The following ADRM1 variants were observed in gnomAD, a reference collection of about 807,000 sequenced individuals.
ADRM1 encodes ADRM1 26S proteasome ubiquitin receptor, also known as proteasomal ubiquitin receptor ADRM1.
Under a neutral mutation model 40.1 loss-of-function variants are expected in ADRM1, and 2 were observed. The ratio of observed to expected loss-of-function variants is 0.05; its 90% CI spans 0.02 to 0.16. The LOEUF is 0.16. ADRM1 is among the 10% of genes least tolerant of loss of function. The pLI, the probability that ADRM1 is intolerant of heterozygous loss-of-function variation, is 1.00. For missense variants in ADRM1, 467 were observed against 552.5 expected, an observed-to-expected ratio of 0.85 and a Z score of 1.55; for synonymous variants, 287 against 240.4, an observed-to-expected ratio of 1.19 and a Z score of -1.79.
chr20:62,307,856 G>C (rs951307665), intron 7 of ADRM1, 28 bp downstream of exon 7: 3 of 1,580,074 alleles, frequency 1.9e-6, no homozygotes, highest in Non-Finnish European at 2.6e-6. Flanking sequence ...CTGGAGCTGG[G>C]TGGGGGGCAT....
At chr20:62,304,638 C>T (rs201138749) in intron 3 of ADRM1, 61 bp downstream of exon 3, 19 of 1,528,894 alleles carry the variant, frequency 1.2e-5, no homozygotes, top group Non-Finnish European at 1.6e-5. Flanking sequence ...TAGGAACTTG[C>T]TTACAGTGTG....
chr20:62,304,132 C>A (rs1485945786), intron 2 of ADRM1: 1 of 477,624 alleles, frequency 2.1e-6, no homozygotes, highest in African/African-American at 1.9e-5. Flanking sequence ...CTTTGTTTTT[C>A]AAACTCTTAG....
intron 9 of ADRM1, 80 bp downstream of exon 9, chr20:62,308,550 GC>G: frequency 6.4e-7 from 1 of 1,560,500 alleles, no homozygotes. Flanking sequence ...CAGAAGTGGG[GC>G]TGAGGGGGTA....
chr20:62,304,463 C>T lies in ADRM1; in HGVS notation c.216C>T (p.Asp72=), dbSNP rs760438229. 50 of 1,613,320 alleles carry T rather than the reference C, an allele frequency of 3.1e-5. No homozygotes were observed. In the Admixed American group the frequency reaches 8.2e-4, roughly 26 times the overall value. Residue 72 remains aspartate (D), a splice_region_variant and synonymous_variant, in exon 3 of 10, where the codon GAC becomes GAT. Transcript: ENST00000253003. ...KDRTSGNVED[D]LIIFPDDCEF... ...TCTCTCTTCCCCTGGCTTGCCAGGA[C>T]TTGATCATCTTCCCTGACGACTGTG...
At chr20:62,305,928 G>A (rs906701464) in intron 3 of ADRM1, 14 of 443,522 alleles carry the variant, frequency 3.2e-5, no homozygotes, top group Non-Finnish European at 5.0e-5. Flanking sequence ...CGGAGCTCTA[G>A]GCTCCCCATT....
rs1984462781 is a variant in ADRM1 at position 62,303,745 on chromosome 20, C to G, written c.177C>G (p.Phe59Leu). The G allele has an allele frequency of 6.2e-7, 1 of 1,612,008 alleles. No homozygotes were observed. The highest frequency in any genetic ancestry group is 8.5e-7 in the Non-Finnish European group (1 of 1,179,972). The change falls in exon 2 of 10, where the codon TTC (phenylalanine) becomes TTG (leucine). Residue 59 changes from phenylalanine to leucine, a missense_variant. Around this residue, in one of 3 missense-constraint regions of ADRM1, gnomAD observed 16 missense variants for 49.1 expected, o/e 0.33. Coordinates refer to ENST00000253003, the MANE Select transcript of ADRM1 (RefSeq NM_007002.4). ...IQQTDDSLIH[F>L]CWKDRTSGNV... ...AGACGGACGACTCGCTTATTCACTT[C>G]TGCTGGAAGGACAGGACGTCCGGGA...
intron 3 of ADRM1, 151 bp downstream of exon 3, chr20:62,304,728 G>C (rs943106082): frequency 1.3e-6 from 1 of 752,584 alleles, no homozygotes; most frequent in East Asian, 2.6e-5. Flanking sequence ...GGGCTGCGGT[G>C]CATGCTACCT....
intron 3 of ADRM1, 159 bp from the exon 4 acceptor site, chr20:62,306,038 A>C (rs896847395): frequency 2.1e-6 from 2 of 952,298 alleles, no homozygotes; most frequent in African/African-American, 1.7e-5. Flanking sequence ...CCGTCCCCTC[A>C]CCTGCTGGGC....
chr20:62,304,205 T>C, intron 2 of ADRM1: 1 of 527,548 alleles, frequency 1.9e-6, no homozygotes, highest in Middle Eastern at 5.2e-4. Flanking sequence ...GGGAATGTTG[T>C]TTCCAGCACG....
intron 3 of ADRM1, among the ~76,000 whole-genome samples, chr20:62,305,178 C>T (rs938006733): frequency 2.0e-5 from 3 of 152,222 alleles, no homozygotes; most frequent in Non-Finnish European, 4.4e-5. Flanking sequence ...GATCATTTTC[C>T]ATAAGCCAGT....
At chr20:62,307,501 G>A in intron 6 of ADRM1, 49 bp downstream of exon 6, 1 of 1,601,494 alleles carries the variant, frequency 6.2e-7, no homozygotes, top group Non-Finnish European at 8.5e-7. Context: ...TTAAGGGAGG[G>A]GCAGTGGGGA....
At position 62,308,772 on chromosome 20, in the gene ADRM1, G is replaced by A. The variant is rs751175375; in HGVS notation, c.*11G>A. ...ATGAGCCTGGACTGAGCCACGCGCC[G>A]TCCTCCGAGGAACTGGGCGCTTGCA... On this transcript the variant is annotated 3_prime_UTR_variant, in exon 10 of 10. Coordinates refer to ENST00000253003, the MANE Select transcript of ADRM1 (RefSeq NM_007002.4). 27 of 1,612,194 alleles carry A rather than the reference G, an allele frequency of 1.7e-5. No individual in the cohort carries two copies. Among genetic ancestry groups the A allele is most frequent in the East Asian group, 1.3e-4 (6 of 44,892 alleles).
chr20:62,306,051 G>T, intron 3 of ADRM1, 146 bp from the exon 4 acceptor site: 4 of 1,106,492 alleles, frequency 3.6e-6, no homozygotes, highest in Non-Finnish European at 3.8e-6. Context: ...TGCTGGGCCG[G>T]GTCCTGTCTC....
At chr20:62,304,270 C>A in intron 2 of ADRM1, 191 bp from the exon 3 acceptor site, 1 of 582,896 alleles carries the variant, frequency 1.7e-6, no homozygotes, top group Non-Finnish European at 3.1e-6. Flanking sequence ...TCTCCCCCGG[C>A]CTTGCCTTTC....
At chr20:62,306,984 GC>G (rs1985087203) in intron 5 of ADRM1, among the ~76,000 whole-genome samples, 1 of 152,172 alleles carries the variant, frequency 6.6e-6, no homozygotes, top group Non-Finnish European at 1.5e-5. Flanking sequence ...GAGCGGTGGG[GC>G]TGGAGGACTG....
intron 4 of ADRM1, 28 bp from the exon 5 acceptor site, chr20:62,306,620 G>T: frequency 6.3e-7 from 1 of 1,584,732 alleles, no homozygotes; most frequent in South Asian, 1.1e-5. Context: ...GGCTGGGGCA[G>T]GCCCGCCTGA....
At position 62,304,589 on chromosome 20, in the gene ADRM1, G is replaced by T. The variant is rs778017077; in HGVS notation, c.330+12G>T. 1 of 1,612,272 alleles carries T rather than the reference G, an allele frequency of 6.2e-7. No homozygotes were observed. Among genetic ancestry groups the T allele is most frequent in the Non-Finnish European group, 8.5e-7 (1 of 1,178,458 alleles). ...TCTTCTGGATGCAGGTATGGGGCAG[G>T]CCTTGGGGTTGTGCCTTTTTGTTGC... On this transcript the variant is annotated intron_variant, in intron 3 of 9. Transcript: ENST00000253003.
intron 5 of ADRM1, 44 bp downstream of exon 5, chr20:62,306,778 T>C (rs1241969752): frequency 2.6e-6 from 4 of 1,516,842 alleles, no homozygotes; most frequent in Non-Finnish European, 3.6e-6. Flanking sequence ...CTGCTGGGAA[T>C]GCTTTGAGGC....
intron 5 of ADRM1, among the ~76,000 whole-genome samples, 156 bp from the exon 6 acceptor site, chr20:62,307,215 G>A (rs1016553711): frequency 2.6e-5 from 4 of 152,180 alleles, no homozygotes; most frequent in Non-Finnish European, 4.4e-5. Context: ...GTGTCCACCC[G>A]CCCCACGCCG....
Sources: gnomAD v4.1 joint callset for allele counts (sites outside exome capture counted in the v4.1 genomes callset) on GRCh38, gnomAD v4.1.1 for gene constraint, gnomAD v4.1.1 regional missense constraint, MANE v1.5 for transcripts, NCBI Gene and HGNC (gene_info 2026-07-23, HGNC 2026-07-21) for gene names.